Variants in CYP20A1 observed in about 807,000 individuals in gnomAD.
CYP20A1 encodes the protein cytochrome P450 family 20 subfamily A member 1, also known as cytochrome P450 20A1.
A neutral mutation model predicts 61.4 loss-of-function variants in CYP20A1; 61 were observed. The ratio of observed to expected loss-of-function variants is 0.99; its 90% CI spans 0.81 to 1.23. CYP20A1 has a LOEUF of 1.23. Ranked by LOEUF, CYP20A1 falls within the 50% of genes most tolerant of loss-of-function variation. The pLI is 0.00. For missense variants in CYP20A1, 530 were observed against 542.4 expected, an observed-to-expected ratio of 0.98 and a Z score of 0.23; for synonymous variants, 193 against 188.2, an observed-to-expected ratio of 1.03 and a Z score of -0.21.
intron 3 of CYP20A1, among the ~76,000 whole-genome samples, chr2:203,250,844 C>T (rs920228335): frequency 1.3e-5 from 2 of 151,912 alleles, no homozygotes; most frequent in African/African-American, 4.8e-5. Flanking sequence ...GCGGGCGGAT[C>T]ACGAGGTCAG....
intron 6 of CYP20A1, among the ~76,000 whole-genome samples, chr2:203,274,551 G>A (rs1001244391): frequency 1.3e-5 from 2 of 152,136 alleles, no homozygotes; most frequent in Non-Finnish European, 2.9e-5. Flanking sequence ...TTAAAATACA[G>A]AGGCTGCATT....
At chr2:203,256,637 G>T (rs1176542859) in intron 4 of CYP20A1, among the ~76,000 whole-genome samples, 1 of 152,188 alleles carries the variant, frequency 6.6e-6, no homozygotes, top group Non-Finnish European at 1.5e-5. Flanking sequence ...GGGATTACAG[G>T]CGTGAGCCAC....
At chr2:203,282,035 C>CTTTTT (rs113768629) in intron 8 of CYP20A1, among the ~76,000 whole-genome samples, 3 of 116,414 alleles carry the variant, frequency 2.6e-5, no homozygotes, top group Admixed American at 1.0e-4. Flanking sequence ...TGTATTCAAC[C>CTTTTT]TTTTTTTTTT....
In CYP20A1 at chr2:203,301,914, C is replaced by CTTT. The variant is rs763764173; in HGVS notation, c.*5026_*5028dup. On this transcript the variant is annotated 3_prime_UTR_variant, in exon 13 of 13. Transcript: ENST00000356079. ...TTTGAAGTTAACCACTGTTAAGATT[C>CTTT]TTTTTTTTTTTTTTTTTTTTTTGTT... Among the ~76,000 whole-genome samples, 226 of 103,558 alleles carry CTTT rather than the reference C, an allele frequency of 2.2e-3. 9 individuals are homozygous for CTTT. Among genetic ancestry groups the CTTT allele is most frequent in the Non-Finnish European group, 2.6e-3 (143 of 54,852 alleles). The allele number at this position is 103,558 out of a possible 152,430, so 67.9% of individuals were successfully genotyped here. A position where few individuals can be genotyped will look rare whatever the true frequency, so the allele number is the denominator to read the frequency against.
At chr2:203,255,192 G>A (rs1233872656) in intron 4 of CYP20A1, among the ~76,000 whole-genome samples, 1 of 151,702 alleles carries the variant, frequency 6.6e-6, no homozygotes, top group African/African-American at 2.4e-5. Context: ...CCCGTGCTTT[G>A]CAGTTGACAG....
chr2:203,239,489 C>T (rs1296192386), intron 1 of CYP20A1, among the ~76,000 whole-genome samples: 2 of 152,256 alleles, frequency 1.3e-5, no homozygotes, highest in Non-Finnish European at 2.9e-5. Context: ...CCATAACTCG[C>T]CAAACCCAAA....
chr2:203,278,704 A>G lies in CYP20A1; in HGVS notation c.795+16A>G. On this transcript the variant is annotated intron_variant, in intron 7 of 12. Transcript: ENST00000356079. ...TGACCAACAGGTGATATAATTGTTA[A>G]ATGTTTATCAGGTAAAAAAATAAGC... 1 of 1,365,730 alleles carries G rather than the reference A, an allele frequency of 7.3e-7. No individual in the cohort carries two copies. Among genetic ancestry groups the G allele is most frequent in the South Asian group, 1.3e-5 (1 of 76,180 alleles). The allele number at this position is 1,365,730 out of a possible 1,614,324, so 84.6% of individuals were successfully genotyped here. A position where few individuals can be genotyped will look rare whatever the true frequency, so the allele number is the denominator to read the frequency against.
At chr2:203,259,784 G>A (rs1575195082) in intron 4 of CYP20A1, 1 of 151,620 alleles carries the variant, frequency 6.6e-6, no homozygotes. Flanking sequence ...TTGGGAGGCT[G>A]AGGCAGAAGA....
intron 9 of CYP20A1, among the ~76,000 whole-genome samples, chr2:203,287,885 A>C (rs975758500): frequency 6.8e-6 from 1 of 146,204 alleles, no homozygotes; most frequent in Non-Finnish European, 1.5e-5. Flanking sequence ...TGCACAAACT[A>C]CTCCTCTGTA....
intron 6 of CYP20A1, among the ~76,000 whole-genome samples, chr2:203,276,176 G>A (rs1022139326): frequency 2.0e-5 from 3 of 152,174 alleles, no homozygotes; most frequent in African/African-American, 7.2e-5. Context: ...CTCTGCTGCT[G>A]TATTTGAAGT....
intron 3 of CYP20A1, among the ~76,000 whole-genome samples, chr2:203,250,221 GAATA>G (rs2066609343): frequency 6.6e-6 from 1 of 152,164 alleles, no homozygotes; most frequent in Non-Finnish European, 1.5e-5. Flanking sequence ...CTGAATAAAT[GAATA>G]CTTTCAGGCC....
At chr2:203,256,972 A>C (rs1226953552) in intron 4 of CYP20A1, among the ~76,000 whole-genome samples, 1 of 152,054 alleles carries the variant, frequency 6.6e-6, no homozygotes, top group African/African-American at 2.4e-5. Context: ...TACCATCTCT[A>C]AACTTCCATA....
intron 8 of CYP20A1, among the ~76,000 whole-genome samples, chr2:203,285,023 C>A (rs527274245): frequency 6.6e-6 from 1 of 152,134 alleles, no homozygotes; most frequent in South Asian, 2.1e-4. Flanking sequence ...GTGATCCCCT[C>A]CGTGTGATCC....
At chr2:203,266,863 C>G (rs2067345031) in intron 5 of CYP20A1, among the ~76,000 whole-genome samples, 182 bp downstream of exon 5, 2 of 152,066 alleles carry the variant, frequency 1.3e-5, no homozygotes, top group South Asian at 4.1e-4. Context: ...TGCCTGTAAT[C>G]CCAGCTACTC....
Position 203,305,802 on chromosome 2 carries a change from T to C in CYP20A1, c.*8894T>C, listed in dbSNP as rs2069194491. ...AAATGAATGAAATCTTTATTGCCGGTGTTCTGTGCACATAGAATAAAGGAA... is the reference window on the plus strand; with the variant it reads ...AAATGAATGAAATCTTTATTGCCGGCGTTCTGTGCACATAGAATAAAGGAA... On this transcript the variant is annotated 3_prime_UTR_variant, in exon 13 of 13. Transcript: ENST00000356079. Among the ~76,000 whole-genome samples the C allele has an allele frequency of 6.6e-6, 1 of 152,158 alleles. No individual in the cohort carries two copies. The highest frequency in any genetic ancestry group is 1.5e-5 in the Non-Finnish European group (1 of 68,036).
At chr2:203,265,889 C>T (rs564934990) in intron 4 of CYP20A1, among the ~76,000 whole-genome samples, 1 of 152,216 alleles carries the variant, frequency 6.6e-6, no homozygotes, top group South Asian at 2.1e-4. Context: ...TAGGGCTTTA[C>T]CATGTTGGCC....
chr2:203,269,219 A>T (rs2152078366), intron 5 of CYP20A1, among the ~76,000 whole-genome samples: 1 of 151,174 alleles, frequency 6.6e-6, no homozygotes, highest in African/African-American at 2.4e-5. Flanking sequence ...AGGCAGGAGG[A>T]TTACTTGAGC....
rs190100188 is a variant in CYP20A1 at position 203,304,018 on chromosome 2, A to G, written c.*7110A>G. Among the ~76,000 whole-genome samples the G allele has an allele frequency of 3.5e-4, 53 of 152,090 alleles. 2 individuals carry two copies. Among genetic ancestry groups the G allele is most frequent in the Admixed American group, 3.2e-3 (49 of 15,274 alleles). On this transcript the variant is annotated 3_prime_UTR_variant, in exon 13 of 13. Transcript: ENST00000356079. ...GCGTATAACTTGAGGTCAGGAGTTC[A>G]AGAACAGCCTGGCCAACATGGGGAA...
Position 203,296,936 on chromosome 2 carries a change from A to G in CYP20A1, c.*28A>G, listed in dbSNP as rs1403061569. ...TTTTATACATTTAAAATCATTGTTA[A>G]ATTGATTGAGGAAAACAACCATTTA... On this transcript the variant is annotated 3_prime_UTR_variant, in exon 13 of 13. Coordinates refer to ENST00000356079, the MANE Select transcript of CYP20A1 (RefSeq NM_177538.3). 1.2e-5 allele frequency: 16 copies of G among 1,339,256 alleles called. No individual in the cohort carries two copies. Among genetic ancestry groups the G allele is most frequent in the South Asian group, 2.7e-5 (2 of 72,936 alleles). 83.0% of individuals were successfully genotyped at this position (1,339,256 alleles called of 1,614,324 possible). A position where few individuals can be genotyped will look rare whatever the true frequency, so the allele number is the denominator to read the frequency against.
Sources: allele counts gnomAD v4.1 joint callset (sites outside exome capture counted in the v4.1 genomes callset), GRCh38; gene constraint gnomAD v4.1.1; transcripts MANE v1.5; gene names NCBI Gene and HGNC (gene_info 2026-07-23, HGNC 2026-07-21).